Variants in PLD5 observed in about 807,000 individuals in gnomAD.
The protein encoded by PLD5 is inactive phospholipase D5.
A neutral mutation model predicts 61.1 loss-of-function variants in PLD5; 36 were observed. The ratio of observed to expected loss-of-function variants is 0.59; its 90% CI spans 0.45 to 0.78. The LOEUF (loss-of-function observed/expected upper bound fraction) is 0.78. Among genes scored for constraint, PLD5 ranks in the 30% least tolerant of loss-of-function variants. The pLI is 0.00. For synonymous variants in PLD5, 243 were observed against 242.8 expected, an observed-to-expected ratio of 1.00 and a Z score of -0.01; for missense variants, 515 against 644.4, an observed-to-expected ratio of 0.80 and a Z score of 2.17.
chr1:242,338,633 C>T (rs1485383111), intron 2 of PLD5, among the ~76,000 whole-genome samples: 2 of 152,208 alleles, frequency 1.3e-5, no homozygotes, highest in Admixed American at 6.5e-5. Context: ...GTGTCACACA[C>T]TTTCGGATTT....
At chr1:242,489,465 GAGGA>G (rs1668070718) in intron 1 of PLD5, among the ~76,000 whole-genome samples, 1 of 152,018 alleles carries the variant, frequency 6.6e-6, no homozygotes. Context: ...AGGAAGGAGG[GAGGA>G]AGGGAGAGAG....
In PLD5 at chr1:242,106,771, A is replaced by G. The variant is rs552355206; in HGVS notation, c.1239+900T>C. 3.9e-5 allele frequency among the ~76,000 whole-genome samples: 6 copies of G among 152,300 alleles called. No individual in the cohort carries two copies. In the South Asian group the frequency reaches 1.2e-3, roughly 32 times the overall value. ...AAGGAATGCAGCTTCGTTACCTAGAAGAGAGCCTGCCACAGGCCAGATTCT... is the reference window on the plus strand; with the variant it reads ...AAGGAATGCAGCTTCGTTACCTAGAGGAGAGCCTGCCACAGGCCAGATTCT... On this transcript the variant is annotated intron_variant, in intron 8 of 9. Coordinates refer to ENST00000536534, the MANE Select transcript of PLD5 (RefSeq NM_001372062.1).
chr1:242,369,165 C>T (rs953945485), intron 1 of PLD5, among the ~76,000 whole-genome samples: 2 of 152,064 alleles, frequency 1.3e-5, no homozygotes, highest in South Asian at 2.1e-4. Context: ...GAAAGGAAAA[C>T]TTTAATAGTG....
intron 1 of PLD5, among the ~76,000 whole-genome samples, chr1:242,512,469 A>C (rs953235506): frequency 2.6e-5 from 4 of 151,992 alleles, no homozygotes; most frequent in Admixed American, 2.0e-4. Context: ...TCCCTGCTGC[A>C]GAGTGTCTTA....
chr1:242,201,772 C>T (rs1294097959), intron 5 of PLD5, among the ~76,000 whole-genome samples: 3 of 152,116 alleles, frequency 2.0e-5, no homozygotes, highest in African/African-American at 7.2e-5. Flanking sequence ...ATTTTGAAAA[C>T]TTCCATGGTT....
At chr1:242,208,625 G>A (rs1196671301) in intron 5 of PLD5, among the ~76,000 whole-genome samples, 2 of 152,102 alleles carry the variant, frequency 1.3e-5, no homozygotes, top group African/African-American at 4.8e-5. Flanking sequence ...TCTTGGGCTG[G>A]CTGGTCAGTT....
intron 1 of PLD5, among the ~76,000 whole-genome samples, chr1:242,366,345 C>T (rs964594238): frequency 6.6e-6 from 1 of 152,112 alleles, no homozygotes; most frequent in African/African-American, 2.4e-5. Context: ...CCTCAGCTTG[C>T]CTTTAAGTGA....
chr1:242,413,423 T>C (rs914041038), intron 1 of PLD5, among the ~76,000 whole-genome samples: 4 of 152,148 alleles, frequency 2.6e-5, no homozygotes, highest in Non-Finnish European at 5.9e-5. Flanking sequence ...TCTCACAAGA[T>C]GTTCACAGAC....
At chr1:242,219,920 C>T (rs1167716948) in intron 5 of PLD5, 68 bp downstream of exon 5, 24 of 1,561,904 alleles carry the variant, frequency 1.5e-5, no homozygotes, top group Admixed American at 5.1e-5. Flanking sequence ...TCTGCAGTAG[C>T]GTGCTTTATG....
chr1:242,467,938 T>A (rs1434852237), intron 1 of PLD5, among the ~76,000 whole-genome samples: 1 of 151,484 alleles, frequency 6.6e-6, no homozygotes, highest in Non-Finnish European at 1.5e-5. Flanking sequence ...CAAAGCAATA[T>A]CTCTATGTCA....
rs1002798394 is a variant in PLD5, at chr1:242,087,938, A to G, written c.*1916T>C. Reference sequence around the variant, plus strand: ...AAAACCATGCTACCCTTAAAAATACAGCTTCCTTCCAGCTCTCTTGATCAA... The same window carrying G: ...AAAACCATGCTACCCTTAAAAATACGGCTTCCTTCCAGCTCTCTTGATCAA... On this transcript the variant is annotated 3_prime_UTR_variant, in exon 10 of 10. Transcript: ENST00000536534. 6.6e-5 allele frequency: 10 copies of G among 152,236 alleles called. No individual in the cohort carries two copies. The highest frequency in any genetic ancestry group is 2.9e-5 in the Non-Finnish European group (2 of 68,030). 9.4% of individuals were successfully genotyped at this position (152,236 alleles called of 1,614,324 possible).
chr1:242,515,201 T>G (rs184475521), intron 1 of PLD5, among the ~76,000 whole-genome samples: 1 of 141,386 alleles, frequency 7.1e-6, no homozygotes, highest in East Asian at 2.3e-4. Flanking sequence ...TGTGTGTGCG[T>G]GTGTGTGTGT....
intron 5 of PLD5, among the ~76,000 whole-genome samples, chr1:242,165,853 C>T (rs572086885): frequency 6.6e-6 from 1 of 152,242 alleles, no homozygotes; most frequent in Non-Finnish European, 1.5e-5. Flanking sequence ...TTAAATGGAC[C>T]ATTCAGGCAT....
chr1:242,494,661 A>G (rs189100237), intron 1 of PLD5, among the ~76,000 whole-genome samples: 1 of 152,118 alleles, frequency 6.6e-6, no homozygotes, highest in Admixed American at 6.6e-5. Flanking sequence ...TATGTTCCAA[A>G]ATGACCACAA....
In PLD5 at chr1:242,348,894, A is replaced by G. The variant is rs1301217729; in HGVS notation, c.190-652T>C. ...ACGGTGAAACCCTGTCTCTACTAAA[A>G]ATACAAAAAATTAGCTGGGCGTGGT... On this transcript the variant is annotated intron_variant, in intron 1 of 9. Coordinates refer to ENST00000536534, the MANE Select transcript of PLD5 (RefSeq NM_001372062.1). Among the ~76,000 whole-genome samples, 5 of 152,290 alleles carry G rather than the reference A, an allele frequency of 3.3e-5. No individual in the cohort carries two copies. The South Asian group carries it at 6.2e-4, about 19-fold the overall frequency.
intron 1 of PLD5, among the ~76,000 whole-genome samples, chr1:242,457,194 T>G (rs1376608586): frequency 6.6e-6 from 1 of 152,166 alleles, no homozygotes. Context: ...TTTTAAAAAT[T>G]TGCTTGATCA....
intron 4 of PLD5, among the ~76,000 whole-genome samples, chr1:242,224,979 C>A (rs1156947537): frequency 1.3e-5 from 2 of 152,160 alleles, no homozygotes; most frequent in Non-Finnish European, 2.9e-5. Flanking sequence ...TCTTCAAACC[C>A]CAGCCCTTGG....
chr1:242,295,826 T>C (rs1326487756), intron 2 of PLD5, among the ~76,000 whole-genome samples: 5 of 152,238 alleles, frequency 3.3e-5, no homozygotes, highest in Non-Finnish European at 1.5e-5. Flanking sequence ...TTTTTAATAA[T>C]AGCCATTCTG....
chr1:242,303,390 T>A (rs184206100), intron 2 of PLD5, among the ~76,000 whole-genome samples: 6 of 152,366 alleles, frequency 3.9e-5, no homozygotes, highest in South Asian at 2.1e-4. Flanking sequence ...GAAATGGAGC[T>A]CATTACATTT....
Sources: allele counts gnomAD v4.1 joint callset (sites outside exome capture counted in the v4.1 genomes callset), GRCh38; gene constraint gnomAD v4.1.1; transcripts MANE v1.5; gene names NCBI Gene and HGNC (gene_info 2026-07-23, HGNC 2026-07-21).